Variants in KLHL25 observed in about 807,000 individuals in gnomAD.
KLHL25 encodes the protein kelch like family member 25, also known as kelch-like protein 25.
Under a neutral mutation model 30.0 loss-of-function variants are expected in KLHL25, and 41 were observed. The ratio of observed to expected loss-of-function variants is 1.37; its 90% CI spans 1.07 to 1.78. The LOEUF (loss-of-function observed/expected upper bound fraction) is 1.78, where lower values mean the gene tolerates loss of function less well. Ranked by LOEUF, KLHL25 falls within the 40% of genes most tolerant of loss-of-function variation. The pLI is 0.00. For missense variants in KLHL25, 971 were observed against 824.5 expected (o/e 1.18, Z -2.18); for synonymous variants, 399 against 355.3 (o/e 1.12, Z -1.38).
chr15:85,772,845 G>A (rs1395064341), intron 1 of KLHL25, among the ~76,000 whole-genome samples: 1 of 152,240 alleles, frequency 6.6e-6, no homozygotes, highest in African/African-American at 2.4e-5. Flanking sequence ...GCCTGCTGAT[G>A]CAGATGCTGG....
In KLHL25 at chr15:85,769,478, G is replaced by A; in HGVS notation, c.333C>T (p.Ala111=). Residue 111 remains alanine, a synonymous_variant, in exon 2 of 3, where the codon GCC becomes GCT. Coordinates refer to ENST00000337975, the MANE Select transcript of KLHL25 (RefSeq NM_022480.4). ...LLDFAYSSRI[A]INEENAESLL... is the part of the protein sequence containing the mutation. ...GTGACTCAGCGTTCTCCTCGTTGAT[G>A]GCGATGCGTGAGGAGTAGGCAAAGT... 6.2e-7 allele frequency: 1 copy of A among 1,614,032 alleles called. No individual in the cohort carries two copies. The highest frequency in any genetic ancestry group is 2.2e-5 in the East Asian group (1 of 44,888).
At chr15:85,769,867 T>G in intron 1 of KLHL25, 47 bp from the exon 2 acceptor site, 1 of 1,473,048 alleles carries the variant, frequency 6.8e-7, no homozygotes, top group South Asian at 1.2e-5. Flanking sequence ...CTCCTGCCCA[T>G]CTGCCCTCTC....
At position 85,769,123 on chromosome 15, in the gene KLHL25, G is replaced by GC. The variant is rs1567238764; in HGVS notation, c.687dup (p.Pro230AlafsTer39). 4 of 1,607,466 alleles carry GC rather than the reference G, an allele frequency of 2.5e-6. No homozygotes were observed. In the South Asian group the frequency reaches 4.4e-5, roughly 18 times the overall value. ...AGACGCACGCTGCGGAGGAGCTCGG[G>GC]CAAGTGGACCTTCCGTGGCTCCAGG... On this transcript the variant is annotated frameshift_variant, in exon 2 of 3. Coordinates refer to ENST00000337975, the MANE Select transcript of KLHL25 (RefSeq NM_022480.4). LOFTEE classifies it high-confidence loss of function.
At chr15:85,790,248 C>G (rs965662956) in intron 1 of KLHL25, among the ~76,000 whole-genome samples, 11 of 152,200 alleles carry the variant, frequency 7.2e-5, no homozygotes, top group Admixed American at 5.9e-4. Context: ...GCCACCACAC[C>G]CAGCTAATTT....
intron 1 of KLHL25, among the ~76,000 whole-genome samples, chr15:85,781,680 C>G (rs2089744201): frequency 6.6e-6 from 1 of 152,106 alleles, no homozygotes. Context: ...GACGGGGTTT[C>G]ACCATGTTGG....
intron 1 of KLHL25, among the ~76,000 whole-genome samples, chr15:85,780,064 C>T (rs535466413): frequency 6.6e-6 from 1 of 152,212 alleles, no homozygotes; most frequent in Non-Finnish European, 1.5e-5. Context: ...GGAGGGGTGG[C>T]AGCCCCTCTA....
At chr15:85,771,321 CA>C (rs1372563001) in intron 1 of KLHL25, among the ~76,000 whole-genome samples, 1 of 151,762 alleles carries the variant, frequency 6.6e-6, no homozygotes, top group African/African-American at 2.4e-5. Context: ...CCAAGAAAAA[CA>C]AAAAACCCTA....
intron 1 of KLHL25, among the ~76,000 whole-genome samples, chr15:85,791,432 T>G (rs962120558): frequency 6.6e-6 from 1 of 152,088 alleles, no homozygotes; most frequent in Admixed American, 6.6e-5. Context: ...GAGGCAGAAG[T>G]TGCAGTGAAC....
At chr15:85,782,428 C>G (rs1306130068) in intron 1 of KLHL25, among the ~76,000 whole-genome samples, 1 of 151,874 alleles carries the variant, frequency 6.6e-6, no homozygotes, top group African/African-American at 2.4e-5. Context: ...TTCAAGGAGG[C>G]TTTCACATCC....
chr15:85,774,880 C>CTT lies in KLHL25; in HGVS notation c.-10-5062_-10-5061dup, dbSNP rs71141486. 3.0e-3 allele frequency among the ~76,000 whole-genome samples: 427 copies of CTT among 140,438 alleles called. 6 individuals are homozygous for CTT. Among genetic ancestry groups the CTT allele is most frequent in the South Asian group, 0.017 (76 of 4,352 alleles). 92.1% of individuals were successfully genotyped at this position (140,438 alleles called of 152,430 possible). ...CGCAGTGCGATTCTTTTTTTCTTTT[C>CTT]TTTTTTTTTTTTTTGAGACGGAGTC... On this transcript the variant is annotated intron_variant, in intron 1 of 2. Coordinates refer to ENST00000337975, the MANE Select transcript of KLHL25 (RefSeq NM_022480.4).
At chr15:85,774,579 C>A (rs1214467542) in intron 1 of KLHL25, among the ~76,000 whole-genome samples, 1 of 152,196 alleles carries the variant, frequency 6.6e-6, no homozygotes, top group Admixed American at 6.5e-5. Flanking sequence ...CGGATGCCAT[C>A]AAAGCTGCTT....
chr15:85,792,246 C>T (rs2089822388), intron 1 of KLHL25, among the ~76,000 whole-genome samples: 1 of 149,740 alleles, frequency 6.7e-6, no homozygotes, highest in Non-Finnish European at 1.5e-5. Context: ...CCTCCTCCCT[C>T]CTCCCCTGCA....
rs2089654575 is a variant in KLHL25, at chr15:85,769,550, GAC to G, written c.259_260del (p.Val87GlnfsTer31). Reference sequence around the variant, plus strand: ...CCGGGTGCAGGTTGTCCTGGAAGTTGACAGTGTCATCCCGGCTCTCCCGAAGG... The same window carrying G: ...CCGGGTGCAGGTTGTCCTGGAAGTTGAGTGTCATCCCGGCTCTCCCGAAGG... ...HGLRESRDDT[V>X]NFQDNLHPEV... On this transcript the variant is annotated frameshift_variant, in exon 2 of 3. Transcript: ENST00000337975. LOFTEE classifies it high-confidence loss of function. 1 of 1,613,734 alleles carries G rather than the reference GAC, an allele frequency of 6.2e-7. No individual in the cohort carries two copies.
chr15:85,769,650 T>A lies in KLHL25; in HGVS notation c.161A>T (p.Asp54Val), dbSNP rs1597273943. The A allele has an allele frequency of 3.7e-6, 6 of 1,613,496 alleles. No homozygotes were observed. The highest frequency in any genetic ancestry group is 5.1e-6 in the Non-Finnish European group (6 of 1,180,004). ...GGCACGGTGACAGGGGAAGGCACGGTCGCCCGCCCAGAGTGTGACGTCGGT... is the reference window on the plus strand; with the variant it reads ...GGCACGGTGACAGGGGAAGGCACGGACGCCCGCCCAGAGTGTGACGTCGGT... Reference protein sequence around the residue: ...MFTDVTLWAGDRAFPCHRAVL... With the variant: ...MFTDVTLWAGVRAFPCHRAVL... The change falls in exon 2 of 3, where the codon GAC (aspartate) becomes GTC (valine). Residue 54 changes from aspartate to valine, a missense_variant. Physicochemically the swap from Asp to Val is radical, Grantham distance 152. Transcript: ENST00000337975.
intron 2 of KLHL25, among the ~76,000 whole-genome samples, chr15:85,767,045 C>A (rs922153344): frequency 6.8e-6 from 1 of 147,282 alleles, no homozygotes; most frequent in Middle Eastern, 3.5e-3. Flanking sequence ...GGCTGGAGTA[C>A]AGCGGCATGA....
chr15:85,761,486 A>G (rs772617952), intron 2 of KLHL25: 6 of 152,374 alleles, frequency 3.9e-5, no homozygotes, highest in Non-Finnish European at 7.3e-5. Context: ...GCCATCGGGC[A>G]TCAGAGCTCC....
rs1257519673 is a variant in KLHL25, at chr15:85,789,833, C to A, written c.-11+4933G>T. Among the ~76,000 whole-genome samples the A allele has an allele frequency of 6.6e-6, 1 of 152,190 alleles. No homozygotes were observed. Among genetic ancestry groups the A allele is most frequent in the Non-Finnish European group, 1.5e-5 (1 of 68,036 alleles). ...CCCCTGATGCAGTCTTCTGTCTCCA[C>A]CAGCCCCTTCGCAGGAGGCCTCAAA... On this transcript the variant is annotated intron_variant, in intron 1 of 2. Coordinates refer to ENST00000337975, the MANE Select transcript of KLHL25 (RefSeq NM_022480.4). The surrounding 1 kb of genome is among the most constrained non-coding windows in gnomAD (Gnocchi z 4.1).
chr15:85,760,401 G>C lies in KLHL25; in HGVS notation c.*635C>G, dbSNP rs981017367. ...GCAAGGCCCTGAGTAGGTGGGCTGG[G>C]ACTTACAGCTTTGTGGAAGGGGCCC... On this transcript the variant is annotated 3_prime_UTR_variant, in exon 3 of 3. Transcript: ENST00000337975. 6.6e-6 allele frequency: 1 copy of C among 152,220 alleles called. No individual in the cohort carries two copies. The highest frequency in any genetic ancestry group is 2.4e-5 in the African/African-American group (1 of 41,446). The allele number at this position is 152,220 out of a possible 1,614,324, so 9.4% of individuals were successfully genotyped here. A position where few individuals can be genotyped will look rare whatever the true frequency, so the allele number is the denominator to read the frequency against.
chr15:85,785,881 G>A (rs930785373), intron 1 of KLHL25, among the ~76,000 whole-genome samples: 2 of 152,058 alleles, frequency 1.3e-5, no homozygotes, highest in East Asian at 1.9e-4. Context: ...CTGGTGATTC[G>A]ACCTCACTCC....
Sources: gnomAD v4.1 joint callset for allele counts (sites outside exome capture counted in the v4.1 genomes callset) on GRCh38, gnomAD v4.1.1 for gene constraint, Gnocchi (gnomAD v3.1) non-coding constraint, MANE v1.5 for transcripts, NCBI Gene and HGNC (gene_info 2026-07-23, HGNC 2026-07-21) for gene names.